N4BP1: variants seen among roughly 807,000 people sequenced by gnomAD.
The protein encoded by N4BP1 is NEDD4 binding protein 1.
In N4BP1, 21 loss-of-function variants were observed where a neutral mutation model predicts 70.9. That is an observed-to-expected ratio of 0.30 (90% CI 0.21 to 0.43). The LOEUF (loss-of-function observed/expected upper bound fraction) is 0.43, where lower values mean the gene tolerates loss of function less well. N4BP1 is among the 20% of genes least tolerant of loss of function. The pLI is 1.00. For missense variants in N4BP1, 936 were observed against 1,069.4 expected (o/e 0.88, Z 1.74); for synonymous variants, 387 against 394.6 (o/e 0.98, Z 0.23).
intron 1 of N4BP1, chr16:48,578,306 T>C (rs1210288957): frequency 6.6e-6 from 1 of 152,536 alleles, no homozygotes; most frequent in Non-Finnish European, 1.5e-5. Context: ...CCAGGGGCTC[T>C]GGGTCGCACT....
intron 1 of N4BP1, among the ~76,000 whole-genome samples, chr16:48,564,706 A>G (rs999544894): frequency 2.6e-5 from 4 of 152,190 alleles, no homozygotes; most frequent in African/African-American, 9.7e-5. Context: ...TCTTGCTGGA[A>G]TTTTATCAGC....
chr16:48,561,024 G>C lies in N4BP1; in HGVS notation c.1619C>G (p.Ser540Cys), dbSNP rs549178712. Residue 540 changes from serine (S) to cysteine (C), a missense_variant, in exon 2 of 7, where the codon TCT becomes TGT. Physicochemically the swap from Ser to Cys is moderately radical, Grantham distance 112 (BLOSUM62 -1). Around this residue, in one of 4 missense-constraint regions of N4BP1, gnomAD observed 515 missense variants for 491.7 expected, o/e 1.05. Transcript: ENST00000262384. ...PEPLLPNNMK[S>C]ACEKRLGCCS... ...ACATCCTAAACGTTTTTCACAGGCA[G>C]ATTTCATATTATTTGGAAGCAAGGG... The C allele has an allele frequency of 6.2e-7, 1 of 1,614,002 alleles. No individual in the cohort carries two copies. The highest frequency in any genetic ancestry group is 1.3e-5 in the African/African-American group (1 of 75,050).
rs538479669 is a variant in N4BP1 at position 48,595,958 on chromosome 16, TAA to T, written c.198+13815_198+13816del. Among the ~76,000 whole-genome samples, 849 of 152,302 alleles carry T rather than the reference TAA, an allele frequency of 5.6e-3. 3 individuals are homozygous for T. Among genetic ancestry groups the T allele is most frequent in the Non-Finnish European group, 9.9e-3 (671 of 68,024 alleles). ...ATAAACCCATGGCTGGGCTTGGCTT[TAA>T]AAAAGTCTTAACTGAGGTTCCTTAT... On this transcript the variant is annotated intron_variant, in intron 1 of 6. Transcript: ENST00000262384.
intron 1 of N4BP1, among the ~76,000 whole-genome samples, chr16:48,590,373 CT>C (rs767972586): frequency 1.3e-5 from 2 of 152,148 alleles, no homozygotes; most frequent in Non-Finnish European, 2.9e-5. Context: ...AATAATAAAA[CT>C]CTAGTCTCCC....
chr16:48,602,284 A>G (rs779476566), intron 1 of N4BP1, among the ~76,000 whole-genome samples: 4 of 152,240 alleles, frequency 2.6e-5, no homozygotes, highest in South Asian at 2.1e-4. Context: ...GATGTTTAAA[A>G]AAGTTTTTTA....
rs553692987 is a variant in N4BP1, at chr16:48,607,064, C to A, written c.198+2711G>T. 2.2e-3 allele frequency among the ~76,000 whole-genome samples: 340 copies of A among 152,182 alleles called. 2 individuals carry two copies. The highest frequency in any genetic ancestry group is 7.9e-3 in the African/African-American group (328 of 41,484). On this transcript the variant is annotated intron_variant, in intron 1 of 6. Coordinates refer to ENST00000262384, the MANE Select transcript of N4BP1 (RefSeq NM_153029.4). ...TGGCATTCAACTCTTACCTATGAGT[C>A]TCAAGGGGAGAAAAAAAAGAATTTC...
At chr16:48,577,887 C>G (rs528917176) in intron 1 of N4BP1, 3 of 156,276 alleles carry the variant, frequency 1.9e-5, no homozygotes, top group Non-Finnish European at 2.9e-5. Flanking sequence ...GCTTGCTGAT[C>G]TTGTTCCCCC....
At chr16:48,543,286 G>A in intron 6 of N4BP1, 25 bp from the exon 7 acceptor site, 8 of 1,480,576 alleles carry the variant, frequency 5.4e-6, no homozygotes, top group Non-Finnish European at 7.2e-6. Flanking sequence ...GAGTCCTGGT[G>A]AGTTGGGTTA....
chr16:48,594,719 G>A (rs181907561), intron 1 of N4BP1, among the ~76,000 whole-genome samples: 23 of 152,102 alleles, frequency 1.5e-4, no homozygotes, highest in African/African-American at 4.8e-4. Flanking sequence ...ATTCTCTTTC[G>A]GTTACATTCA....
chr16:48,609,188 C>T (rs1964635705), intron 1 of N4BP1, among the ~76,000 whole-genome samples: 2 of 152,140 alleles, frequency 1.3e-5, no homozygotes, highest in African/African-American at 4.8e-5. Flanking sequence ...CTGCACTCCA[C>T]TGTGGGTGAC....
intron 2 of N4BP1, chr16:48,559,768 T>C (rs1376983341): frequency 2.0e-5 from 3 of 152,230 alleles, no homozygotes; most frequent in South Asian, 2.1e-4. Flanking sequence ...CCAGCCCTCA[T>C]TGCTGGGTGA....
At chr16:48,605,311 C>T (rs1964563192) in intron 1 of N4BP1, among the ~76,000 whole-genome samples, 1 of 152,152 alleles carries the variant, frequency 6.6e-6, no homozygotes, top group Non-Finnish European at 1.5e-5. Flanking sequence ...ATTACACAGG[C>T]GTGAGCCACT....
At chr16:48,604,585 AAAAAAACAAAAAAAGGT>A (rs1490340916) in intron 1 of N4BP1, among the ~76,000 whole-genome samples, 4 of 129,004 alleles carry the variant, frequency 3.1e-5, no homozygotes, top group Non-Finnish European at 4.7e-5. Flanking sequence ...AAACAAACAA[AAAAAAACAAAAAAAGGT>A]AAAAAAAAAA....
chr16:48,552,558 C>T (rs1597092271), intron 3 of N4BP1, among the ~76,000 whole-genome samples: 1 of 151,146 alleles, frequency 6.6e-6, no homozygotes, highest in Non-Finnish European at 1.5e-5. Context: ...ATTAGCCGGG[C>T]GTGGTGGTGC....
chr16:48,583,379 G>A (rs1351254810), intron 1 of N4BP1, among the ~76,000 whole-genome samples: 1 of 152,190 alleles, frequency 6.6e-6, no homozygotes, highest in African/African-American at 2.4e-5. Flanking sequence ...GAAGAATGGT[G>A]GTTATCCAAG....
chr16:48,602,980 TCACA>T lies in N4BP1; in HGVS notation c.198+6791_198+6794del, dbSNP rs3055657. Among the ~76,000 whole-genome samples the T allele has an allele frequency of 1.1e-4, 17 of 151,076 alleles. 1 individual carries two copies. Among genetic ancestry groups the T allele is most frequent in the Admixed American group, 1.1e-3 (16 of 15,150 alleles). On this transcript the variant is annotated intron_variant, in intron 1 of 6. Transcript: ENST00000262384. ...CCTGGTGACAGAGCCAAACCCTATCTCACACACACACACGCACGCACACGCATAG... is the reference window on the plus strand; with the variant it reads ...CCTGGTGACAGAGCCAAACCCTATCTCACACACACGCACGCACACGCATAG...
rs1165376467 is a variant in N4BP1 at position 48,540,827 on chromosome 16, C to G, written c.*2077G>C. ...GGAGGCTGAGAACCAGTAATGAGTT[C>G]TTAATGGTTTGATAATTTGGGTTTT... On this transcript the variant is annotated 3_prime_UTR_variant, in exon 7 of 7. Coordinates refer to ENST00000262384, the MANE Select transcript of N4BP1 (RefSeq NM_153029.4). The G allele has an allele frequency of 6.6e-6, 1 of 152,116 alleles. No homozygotes were observed. Among genetic ancestry groups the G allele is most frequent in the African/African-American group, 2.4e-5 (1 of 41,410 alleles). The allele number at this position is 152,116 out of a possible 1,614,324, so 9.4% of individuals were successfully genotyped here. A position where few individuals can be genotyped will look rare whatever the true frequency, so the allele number is the denominator to read the frequency against.
chr16:48,589,099 C>G (rs879261550), intron 1 of N4BP1, among the ~76,000 whole-genome samples: 1 of 152,142 alleles, frequency 6.6e-6, no homozygotes, highest in Non-Finnish European at 1.5e-5. Flanking sequence ...TGATTTCTGT[C>G]TGGCATAAAA....
At chr16:48,585,379 G>A (rs1350911621) in intron 1 of N4BP1, among the ~76,000 whole-genome samples, 1 of 151,632 alleles carries the variant, frequency 6.6e-6, no homozygotes, top group East Asian at 1.9e-4. Context: ...GCTCACATCT[G>A]TAATCCCAGC....
Sources: allele counts gnomAD v4.1 joint callset (sites outside exome capture counted in the v4.1 genomes callset), GRCh38; gene constraint gnomAD v4.1.1; regional missense constraint gnomAD v4.1.1; transcripts MANE v1.5; gene names NCBI Gene and HGNC (gene_info 2026-07-23, HGNC 2026-07-21).